Variants in NR3C2 observed in about 807,000 individuals in gnomAD.
NR3C2 encodes the protein nuclear receptor subfamily 3 group C member 2, also known as mineralocorticoid receptor.
In NR3C2, 15 loss-of-function variants were observed where a neutral mutation model predicts 86.4. The ratio of observed to expected loss-of-function variants is 0.17; its 90% CI spans 0.12 to 0.27. The LOEUF is 0.27. Ranked by LOEUF, NR3C2 falls within the 10% of genes least tolerant of loss-of-function variation. NR3C2 has a pLI of 1.00. For synonymous variants in NR3C2, 458 were observed against 450.5 expected (o/e 1.02, Z -0.21); for missense variants, 960 against 1,195.6 (o/e 0.80, Z 2.91).
intron 2 of NR3C2, among the ~76,000 whole-genome samples, chr4:148,421,973 A>G (rs1034198717): frequency 6.6e-6 from 1 of 152,134 alleles, no homozygotes; most frequent in African/African-American, 2.4e-5. Context: ...ATTTGCTAAT[A>G]GACATCCAGT....
chr4:148,295,193 T>G (rs1317898718), intron 2 of NR3C2, among the ~76,000 whole-genome samples: 1 of 152,136 alleles, frequency 6.6e-6, no homozygotes, highest in Non-Finnish European at 1.5e-5. Flanking sequence ...AATGAAAGTT[T>G]TTCTTCAGAA....
At chr4:148,331,416 C>A (rs1281413002) in intron 2 of NR3C2, among the ~76,000 whole-genome samples, 1 of 152,156 alleles carries the variant, frequency 6.6e-6, no homozygotes, top group East Asian at 1.9e-4. Context: ...GGCAACAATG[C>A]CTTTCAAGTG....
At chr4:148,167,944 C>A (rs967579410) in intron 4 of NR3C2, among the ~76,000 whole-genome samples, 4 of 152,222 alleles carry the variant, frequency 2.6e-5, no homozygotes, top group African/African-American at 9.6e-5. Flanking sequence ...AGCAGAGGAC[C>A]TGACAGCCCT....
intron 2 of NR3C2, among the ~76,000 whole-genome samples, chr4:148,424,637 A>T (rs2126618389): frequency 6.6e-6 from 1 of 152,296 alleles, no homozygotes; most frequent in Non-Finnish European, 1.5e-5. Context: ...AATAATATGG[A>T]TGAATCTCAA....
intron 8 of NR3C2, among the ~76,000 whole-genome samples, chr4:148,085,857 A>G (rs1156538465): frequency 6.6e-6 from 1 of 152,250 alleles, no homozygotes; most frequent in Non-Finnish European, 1.5e-5. Flanking sequence ...AAGCACCTCT[A>G]TGCAAATAAA....
rs141514557 is a variant in NR3C2, at chr4:148,212,885, C to T, written c.1898-18023G>A. Among the ~76,000 whole-genome samples the T allele has an allele frequency of 1.8e-4, 27 of 152,106 alleles. No individual in the cohort carries two copies. In the East Asian group the frequency reaches 4.8e-3, roughly 27 times the overall value. ...CGTGTTTATTGTGCAGATGAAGGTT[C>T]GTAATAAAAATATTTGCTTGCAAGA... On this transcript the variant is annotated intron_variant, in intron 3 of 8. Coordinates refer to ENST00000358102, the MANE Select transcript of NR3C2 (RefSeq NM_000901.5).
chr4:148,248,291 A>G lies in NR3C2; in HGVS notation c.1897+11687T>C, dbSNP rs72655210. ...TTCAGTTTATATTGTATTCTAAAAA[A>G]CAAAACAATTAAAACTTATGTAATC... On this transcript the variant is annotated intron_variant, in intron 3 of 8. Transcript: ENST00000358102. 8.3e-3 allele frequency among the ~76,000 whole-genome samples: 1,262 copies of G among 152,324 alleles called. 12 individuals are homozygous for G. The highest frequency in any genetic ancestry group is 0.029 in the African/African-American group (1,192 of 41,566).
At chr4:148,302,604 C>T (rs1345874263) in intron 2 of NR3C2, among the ~76,000 whole-genome samples, 3 of 152,104 alleles carry the variant, frequency 2.0e-5, no homozygotes, top group Non-Finnish European at 4.4e-5. Flanking sequence ...GGGTATGCTT[C>T]CCTTTAAGGA....
At chr4:148,396,451 T>A (rs1033738212) in intron 2 of NR3C2, among the ~76,000 whole-genome samples, 1 of 152,206 alleles carries the variant, frequency 6.6e-6, no homozygotes, top group Non-Finnish European at 1.5e-5. Flanking sequence ...ACAAAGCACC[T>A]CTTGTTAACA....
chr4:148,194,844 CATAA>C lies in NR3C2; in HGVS notation c.1912_1915del (p.Leu638ValfsTer30). ...AATGATGCAATCATTTCTTCCAGCA[CATAA>C]ATAGTTGTGTTGCCCTGATTAAAAT... On this transcript the variant is annotated frameshift_variant, in exon 4 of 9. Transcript: ENST00000358102. LOFTEE classifies it high-confidence loss of function. The C allele has an allele frequency of 6.2e-7, 1 of 1,611,456 alleles. No individual in the cohort carries two copies. Among genetic ancestry groups the C allele is most frequent in the Non-Finnish European group, 8.5e-7 (1 of 1,179,334 alleles).
At chr4:148,393,756 A>T (rs915397596) in intron 2 of NR3C2, among the ~76,000 whole-genome samples, 1 of 152,190 alleles carries the variant, frequency 6.6e-6, no homozygotes, top group Non-Finnish European at 1.5e-5. Context: ...TGAAGCATTC[A>T]GTTTGTGATC....
intron 3 of NR3C2, among the ~76,000 whole-genome samples, chr4:148,221,632 C>T (rs1737850565): frequency 6.6e-6 from 1 of 152,124 alleles, no homozygotes. Flanking sequence ...GTGGCTCACG[C>T]CTGTAATCCC....
intron 2 of NR3C2, among the ~76,000 whole-genome samples, chr4:148,378,024 CT>C (rs1173657672): frequency 1.3e-5 from 2 of 152,106 alleles, no homozygotes; most frequent in African/African-American, 4.8e-5. Flanking sequence ...TAAGTGTAAA[CT>C]TAAAGCCAGA....
intron 2 of NR3C2, among the ~76,000 whole-genome samples, chr4:148,359,714 C>T (rs1512331): frequency 0.99 from 150,880 of 152,254 alleles, 74,775 homozygotes; most frequent in East Asian, 1. Context: ...TTGAGAAACA[C>T]GTGCAAGCTG....
chr4:148,250,827 G>A (rs1349258201), intron 3 of NR3C2, among the ~76,000 whole-genome samples: 1 of 152,018 alleles, frequency 6.6e-6, no homozygotes, highest in Non-Finnish European at 1.5e-5. Context: ...TCTGTCAAAG[G>A]TTGCCATCAT....
At chr4:148,188,532 T>C (rs560386382) in intron 4 of NR3C2, among the ~76,000 whole-genome samples, 1 of 152,324 alleles carries the variant, frequency 6.6e-6, no homozygotes, top group African/African-American at 2.4e-5. Flanking sequence ...CATTTTCTGC[T>C]TGGTTGCTGT....
chr4:148,232,075 A>G (rs1738491925), intron 3 of NR3C2, among the ~76,000 whole-genome samples: 2 of 152,176 alleles, frequency 1.3e-5, no homozygotes, highest in Admixed American at 1.3e-4. Flanking sequence ...TGATGGATGG[A>G]AAGTTGGAAT....
chr4:148,425,920 A>G (rs751768105), intron 2 of NR3C2, among the ~76,000 whole-genome samples: 3 of 152,122 alleles, frequency 2.0e-5, no homozygotes, highest in Non-Finnish European at 4.4e-5. Flanking sequence ...AGCAAGTGCC[A>G]AAACTCTCAC....
chr4:148,342,993 C>T (rs1744822195), intron 2 of NR3C2, among the ~76,000 whole-genome samples: 1 of 152,074 alleles, frequency 6.6e-6, no homozygotes, highest in Non-Finnish European at 1.5e-5. Context: ...ATTTTTAGCC[C>T]AATCCCGGAA....
Sources: allele counts gnomAD v4.1 joint callset (sites outside exome capture counted in the v4.1 genomes callset), GRCh38; gene constraint gnomAD v4.1.1; transcripts MANE v1.5; gene names NCBI Gene and HGNC (gene_info 2026-07-23, HGNC 2026-07-21).